Variants in HSPA14 observed in about 807,000 individuals in gnomAD.
HSPA14 encodes heat shock 70 kDa protein 14.
A neutral mutation model predicts 65.5 loss-of-function variants in HSPA14; 37 were observed. The ratio of observed to expected loss-of-function variants is 0.56; its 90% CI spans 0.43 to 0.74. HSPA14 has a LOEUF of 0.74. Among genes scored for constraint, HSPA14 ranks in the 30% least tolerant of loss-of-function variants. HSPA14 has a pLI of 0.00. For missense variants in HSPA14, 564 were observed against 607.6 expected, an observed-to-expected ratio of 0.93 and a Z score of 0.75; for synonymous variants, 203 against 214.2, an observed-to-expected ratio of 0.95 and a Z score of 0.46.
intron 10 of HSPA14, among the ~76,000 whole-genome samples, chr10:14,866,358 G>C (rs1832806912): frequency 6.6e-6 from 1 of 152,152 alleles, no homozygotes; most frequent in South Asian, 2.1e-4. Flanking sequence ...GTGGTCCTCT[G>C]CCTCAGTGAG....
At chr10:14,855,232 T>C (rs56235811) in intron 9 of HSPA14, among the ~76,000 whole-genome samples, 8,105 of 152,084 alleles carry the variant, frequency 0.053, 287 homozygotes, top group Middle Eastern at 0.085. Flanking sequence ...TAGATATTAA[T>C]AGATAACATT....
intron 10 of HSPA14, among the ~76,000 whole-genome samples, chr10:14,864,020 G>C (rs960806563): frequency 2.0e-5 from 3 of 150,446 alleles, no homozygotes; most frequent in Non-Finnish European, 2.9e-5. Flanking sequence ...AGAGACCTCA[G>C]AATGGCCTGT....
chr10:14,839,830 A>G (rs1408514708), intron 1 of HSPA14, 75 bp from the exon 2 acceptor site: 1 of 1,060,748 alleles, frequency 9.4e-7, no homozygotes, highest in South Asian at 1.6e-5. Flanking sequence ...ACAGATGGCA[A>G]AGTAACACTG....
chr10:14,851,246 T>G lies in HSPA14; in HGVS notation c.495T>G (p.Asn165Lys). Reference protein sequence around the residue: ...LGEAARAAGFNVLRLIHEPSA... With the variant: ...LGEAARAAGFKVLRLIHEPSA... ...AAGCAGCTAGAGCTGCTGGATTTAA[T>G]GTTTTGCGATTAATTCACGAACCGT... The change falls in exon 7 of 14, where the codon AAT (asparagine) becomes AAG (lysine). Residue 165 changes from asparagine to lysine, a missense_variant. Physicochemically the swap from Asn to Lys is moderately conservative, Grantham distance 94. Coordinates refer to ENST00000378372, the MANE Select transcript of HSPA14 (RefSeq NM_016299.4). 6.2e-7 allele frequency: 1 copy of G among 1,610,558 alleles called. No homozygotes were observed.
chr10:14,859,181 G>A (rs2131644161), intron 10 of HSPA14, among the ~76,000 whole-genome samples: 1 of 152,198 alleles, frequency 6.6e-6, no homozygotes, highest in African/African-American at 2.4e-5. Flanking sequence ...ATCACTATGT[G>A]TTGACGACCT....
chr10:14,855,815 TTC>T (rs1297721211), intron 9 of HSPA14, 24 bp from the exon 10 acceptor site: 4 of 1,148,942 alleles, frequency 3.5e-6, no homozygotes, highest in Admixed American at 3.8e-5. Context: ...GTCTGTGTGT[TTC>T]TGTGTGTGTG....
chr10:14,853,481 C>G (rs933562704), intron 8 of HSPA14, among the ~76,000 whole-genome samples: 2 of 152,152 alleles, frequency 1.3e-5, no homozygotes, highest in African/African-American at 4.8e-5. Context: ...ACCTCTGTGT[C>G]TCACCTGGAA....
chr10:14,838,985 A>C (rs926856764), intron 1 of HSPA14, among the ~76,000 whole-genome samples: 1 of 152,096 alleles, frequency 6.6e-6, no homozygotes, highest in East Asian at 1.9e-4. Context: ...AGGGCCGCAG[A>C]ACGCGCTGAG....
Position 14,842,841 on chromosome 10 carries a change from G to A in HSPA14, c.221+2684G>A, listed in dbSNP as rs1293184330. On this transcript the variant is annotated intron_variant, in intron 3 of 13. Transcript: ENST00000378372. The surrounding 1 kb of genome is among the most constrained non-coding windows in gnomAD (Gnocchi z 5.2). ...GAGGACTCCTGGGATGAATCCTCGG[G>A]TGCAGGTAACTCCCAAGCATGTGAA... The A allele has an allele frequency of 6.5e-7, 1 of 1,529,360 alleles. No homozygotes were observed. The highest frequency in any genetic ancestry group is 2.0e-5 in the Admixed American group (1 of 50,136). 94.7% of individuals were successfully genotyped at this position (1,529,360 alleles called of 1,614,324 possible).
At chr10:14,844,242 A>G in intron 3 of HSPA14, 1 of 1,095,220 alleles carries the variant, frequency 9.1e-7, no homozygotes, top group Non-Finnish European at 1.1e-6. Flanking sequence ...CCTACCTCAC[A>G]GGGTTGTTGT....
chr10:14,839,216 G>A (rs770070944), intron 1 of HSPA14, among the ~76,000 whole-genome samples: 9 of 152,238 alleles, frequency 5.9e-5, no homozygotes, highest in Non-Finnish European at 1.0e-4. Context: ...CTAGTCCCGC[G>A]TTTAAATGTC....
chr10:14,858,931 C>T (rs543035568), intron 10 of HSPA14, among the ~76,000 whole-genome samples: 1 of 152,118 alleles, frequency 6.6e-6, no homozygotes, highest in South Asian at 2.1e-4. Context: ...ATCACCTGTG[C>T]TCTTCATGCT....
chr10:14,848,184 G>A (rs528661553), intron 3 of HSPA14, among the ~76,000 whole-genome samples: 1 of 152,290 alleles, frequency 6.6e-6, no homozygotes, highest in East Asian at 1.9e-4. Flanking sequence ...TGGAGTTGGT[G>A]TGTGTTCAGA....
At position 14,842,466 on chromosome 10, in the gene HSPA14, A is replaced by T; in HGVS notation, c.221+2309A>T. The T allele has an allele frequency of 2.0e-6, 3 of 1,536,174 alleles. No individual in the cohort carries two copies. The highest frequency in any genetic ancestry group is 2.6e-6 in the Non-Finnish European group (3 of 1,146,922). On this transcript the variant is annotated intron_variant, in intron 3 of 13. Transcript: ENST00000378372. The surrounding 1 kb of genome is among the most constrained non-coding windows in gnomAD (Gnocchi z 5.2). The stretch of plus-strand genomic sequence containing the variant: ...GAGGGCTTCCGCCGCACCGAACGTC[A>T]GTGCCGCTCCAAGTTTAAAGTTCTG...
At chr10:14,855,448 A>G (rs751633055) in intron 9 of HSPA14, among the ~76,000 whole-genome samples, 1 of 152,220 alleles carries the variant, frequency 6.6e-6, no homozygotes, top group Non-Finnish European at 1.5e-5. Context: ...TTTAACATAT[A>G]AAAATGGCAG....
At chr10:14,864,110 C>T (rs922885349) in intron 10 of HSPA14, among the ~76,000 whole-genome samples, 1 of 151,550 alleles carries the variant, frequency 6.6e-6, no homozygotes, top group East Asian at 1.9e-4. Flanking sequence ...CCCAGCTACT[C>T]GGGAGACTGA....
At chr10:14,868,966 C>G (rs998499854) in intron 12 of HSPA14, among the ~76,000 whole-genome samples, 5 of 152,054 alleles carry the variant, frequency 3.3e-5, no homozygotes, top group Non-Finnish European at 7.4e-5. Flanking sequence ...CCTGCCTCAG[C>G]CTCCTGAGTA....
chr10:14,866,242 A>T (rs7905174), intron 10 of HSPA14, among the ~76,000 whole-genome samples: 63,790 of 152,014 alleles, frequency 0.42, 15,856 homozygotes, highest in African/African-American at 0.7. Context: ...CCTAGTTTTT[A>T]AACAAAATAT....
intron 3 of HSPA14, chr10:14,846,770 T>C (rs1274621789): frequency 2.0e-6 from 2 of 985,266 alleles, no homozygotes; most frequent in Non-Finnish European, 2.4e-6. Context: ...TGGAGCACAT[T>C]AGTGCTGGTG....
Sources: allele counts gnomAD v4.1 joint callset (sites outside exome capture counted in the v4.1 genomes callset), GRCh38; gene constraint gnomAD v4.1.1; non-coding constraint Gnocchi (gnomAD v3.1); transcripts MANE v1.5; gene names NCBI Gene and HGNC (gene_info 2026-07-23, HGNC 2026-07-21).